OR10G4: variants seen among roughly 807,000 people sequenced by gnomAD.
OR10G4 encodes olfactory receptor 10G4.
For synonymous variants in OR10G4, 130 were observed against 159.3 expected (o/e 0.82, Z 1.39); for missense variants, 318 against 388.8 (o/e 0.82, Z 1.53).
chr11:124,016,423 C>G lies in OR10G4; in HGVS notation c.849C>G (p.Asn283Lys). 5 of 1,614,162 alleles carry G rather than the reference C, an allele frequency of 3.1e-6. No individual in the cohort carries two copies. The highest frequency in any genetic ancestry group is 3.4e-6 in the Non-Finnish European group (4 of 1,180,010). ...ACACTGTGCTGACGCCCCTTCTCAA[C>G]CCTGTTGTGTACACCCTGAGAAACA... ...IFYTVLTPLL[N>K]PVVYTLRNKE... Residue 283 changes from asparagine to lysine, a missense_variant, in exon 2 of 2, where the codon AAC (asparagine) becomes AAG (lysine). Physicochemically the swap from Asn to Lys is moderately conservative, Grantham distance 94. Transcript: ENST00000641722.
Position 124,016,865 on chromosome 11 carries a change from C to T in OR10G4, c.*355C>T. ...ATATACACATAAACTTAAGAATTTA[C>T]CATCATGGAGACATAGTTCAAAACC... is the stretch of plus-strand genomic sequence containing the variant. On this transcript the variant is annotated 3_prime_UTR_variant, in exon 2 of 2. Coordinates refer to ENST00000641722, the MANE Select transcript of OR10G4 (RefSeq NM_001004462.2). The T allele has an allele frequency of 6.1e-6, 1 of 164,622 alleles. No individual in the cohort carries two copies. 10.2% of individuals were successfully genotyped at this position (164,622 alleles called of 1,614,324 possible).
rs1342652966 is a variant in OR10G4, at chr11:124,016,017, G to T, written c.443G>T (p.Trp148Leu). The T allele has an allele frequency of 1.2e-6, 2 of 1,613,826 alleles. No homozygotes were observed. Among genetic ancestry groups the T allele is most frequent in the East Asian group, 4.5e-5 (2 of 44,878 alleles). The change falls in exon 2 of 2, where the codon TGG (tryptophan) becomes TTG (leucine). Residue 148 changes from tryptophan to leucine, a missense_variant. Trp to Leu is a moderately conservative substitution (Grantham distance 61). Coordinates refer to ENST00000641722, the MANE Select transcript of OR10G4 (RefSeq NM_001004462.2). Reference sequence around the variant, plus strand: ...TGTGCCCTCCTGGCCACCGGCACTTGGCTCAGTGGCTCTCTGCACTCTGCT... The same window carrying T: ...TGTGCCCTCCTGGCCACCGGCACTTTGCTCAGTGGCTCTCTGCACTCTGCT... ...SRCALLATGT[W>L]LSGSLHSAVQ... is the part of the protein sequence containing the mutation.
chr11:124,016,799 T>C lies in OR10G4; in HGVS notation c.*289T>C, dbSNP rs1490481842. 9.1e-6 allele frequency: 2 copies of C among 219,320 alleles called. No individual in the cohort carries two copies. Among genetic ancestry groups the C allele is most frequent in the African/African-American group, 4.6e-5 (2 of 43,818 alleles). The allele number at this position is 219,320 out of a possible 1,614,324, so 13.6% of individuals were successfully genotyped here. A position where few individuals can be genotyped will look rare whatever the true frequency, so the allele number is the denominator to read the frequency against. ...CTCAGGGATAGATGATTAATTCATG[T>C]TTATAAATTGATAAACGGTTTTTGT... On this transcript the variant is annotated 3_prime_UTR_variant, in exon 2 of 2. Transcript: ENST00000641722.
intron 1 of OR10G4, among the ~76,000 whole-genome samples, chr11:124,014,551 C>T (rs1034714501): frequency 5.3e-5 from 8 of 152,196 alleles, no homozygotes; most frequent in Non-Finnish European, 1.5e-5. Context: ...CTTTCCGGCA[C>T]TCCCCAGTGA....
rs1864025926 is a variant in OR10G4 at position 124,016,860 on chromosome 11, A to G, written c.*350A>G. On this transcript the variant is annotated 3_prime_UTR_variant, in exon 2 of 2. Coordinates refer to ENST00000641722, the MANE Select transcript of OR10G4 (RefSeq NM_001004462.2). ...ATTTCATATACACATAAACTTAAGAATTTACCATCATGGAGACATAGTTCA... is the reference window on the plus strand; with the variant it reads ...ATTTCATATACACATAAACTTAAGAGTTTACCATCATGGAGACATAGTTCA... 6.0e-6 allele frequency: 1 copy of G among 165,758 alleles called. No homozygotes were observed. The allele number at this position is 165,758 out of a possible 1,614,324, so 10.3% of individuals were successfully genotyped here.
chr11:124,013,256 A>G (rs1160983444), intron 1 of OR10G4, 144 bp downstream of exon 1: 1 of 152,212 alleles, frequency 6.6e-6, no homozygotes, highest in Non-Finnish European at 1.5e-5. Context: ...AGGTAGAGTG[A>G]TGTAATTGAG....
Position 124,018,062 on chromosome 11 carries a change from C to G in OR10G4, c.*1552C>G, listed in dbSNP as rs1486831605. The stretch of plus-strand genomic sequence containing the variant: ...AAAAAAATTAGTCTCGATCCTATTT[C>G]ATACTATACACATAAAAAACTCAAT... On this transcript the variant is annotated 3_prime_UTR_variant, in exon 2 of 2. Transcript: ENST00000641722. 1.3e-5 allele frequency: 2 copies of G among 152,090 alleles called. No individual in the cohort carries two copies. The highest frequency in any genetic ancestry group is 2.9e-5 in the Non-Finnish European group (2 of 68,010). 9.4% of individuals were successfully genotyped at this position (152,090 alleles called of 1,614,324 possible). A position where few individuals can be genotyped will look rare whatever the true frequency, so the allele number is the denominator to read the frequency against.
At position 124,017,277 on chromosome 11, in the gene OR10G4, C is replaced by T. The variant is rs1340473375; in HGVS notation, c.*767C>T. The T allele has an allele frequency of 6.6e-6, 1 of 152,134 alleles. No homozygotes were observed. The highest frequency in any genetic ancestry group is 2.4e-5 in the African/African-American group (1 of 41,432). 9.4% of individuals were successfully genotyped at this position (152,134 alleles called of 1,614,324 possible). On this transcript the variant is annotated 3_prime_UTR_variant, in exon 2 of 2. Coordinates refer to ENST00000641722, the MANE Select transcript of OR10G4 (RefSeq NM_001004462.2). ...TATATAATTGTTTACGCACTTTATA[C>T]ATTTGCACCCATTTTTAATGTTTGT...
At chr11:124,015,401 T>A in intron 1 of OR10G4, 147 bp from the exon 2 acceptor site, 1 of 765,548 alleles carries the variant, frequency 1.3e-6, no homozygotes, top group South Asian at 1.9e-5. Flanking sequence ...AATAATTTCA[T>A]CATCATCTCT....
chr11:124,015,973 C>T lies in OR10G4; in HGVS notation c.399C>T (p.Ser133=), dbSNP rs758612493. ...TCAGTTACCCGCTCAGGTACACCAG[C>T]ATGATGAGTGGGAGCAGGTGTGCCC... ...LAISYPLRYT[S]MMSGSRCALL... is the part of the protein sequence containing the mutation. Residue 133 remains serine, a synonymous_variant, in exon 2 of 2, where the codon AGC becomes AGT. Transcript: ENST00000641722. The T allele has an allele frequency of 1.2e-6, 2 of 1,614,028 alleles. No individual in the cohort carries two copies. The highest frequency in any genetic ancestry group is 1.7e-5 in the Admixed American group (1 of 59,998).
In OR10G4 at chr11:124,017,769, A is replaced by T. The variant is rs773671688; in HGVS notation, c.*1259A>T. On this transcript the variant is annotated 3_prime_UTR_variant, in exon 2 of 2. Coordinates refer to ENST00000641722, the MANE Select transcript of OR10G4 (RefSeq NM_001004462.2). ...ATCTTAAAGTGCGGATTGAAATGGA[A>T]TGAGTCCCAAAATGGTCAAGAATCT... 3.3e-5 allele frequency: 5 copies of T among 152,210 alleles called. No homozygotes were observed. Among genetic ancestry groups the T allele is most frequent in the African/African-American group, 1.2e-4 (5 of 41,466 alleles). The allele number at this position is 152,210 out of a possible 1,614,324, so 9.4% of individuals were successfully genotyped here. A position where few individuals can be genotyped will look rare whatever the true frequency, so the allele number is the denominator to read the frequency against.
Position 124,016,028 on chromosome 11 carries a change from T to C in OR10G4, c.454T>C (p.Ser152Pro). The change falls in exon 2 of 2, where the codon TCT becomes CCT. Residue 152 changes from serine (S) to proline (P), a missense_variant. Physicochemically the swap from Ser to Pro is moderately conservative, Grantham distance 74 (BLOSUM62 -1). Coordinates refer to ENST00000641722, the MANE Select transcript of OR10G4 (RefSeq NM_001004462.2). ...LLATGTWLSGSLHSAVQTILT... is the reference protein window; with the variant it reads ...LLATGTWLSGPLHSAVQTILT... ...GGCCACCGGCACTTGGCTCAGTGGC[T>C]CTCTGCACTCTGCTGTCCAGACCAT... The C allele has an allele frequency of 3.1e-6, 5 of 1,613,904 alleles. No individual in the cohort carries two copies. Among genetic ancestry groups the C allele is most frequent in the Middle Eastern group, 1.7e-4 (1 of 6,056 alleles).
Position 124,016,480 on chromosome 11 carries a change from A to C in OR10G4, c.906A>C (p.Arg302Ser). The stretch of plus-strand genomic sequence containing the variant: ...TGAAGAAAGCTGTGTTGAAACTTAG[A>C]GACAAAGTAGCACATCCTCAGAGGA... The part of the protein sequence containing the change: ...KEVKKAVLKL[R>S]DKVAHPQRK Residue 302 changes from arginine (R) to serine (S), a missense_variant, in exon 2 of 2, where the codon AGA becomes AGC. Arg to Ser is a moderately radical substitution (Grantham distance 110, BLOSUM62 -1). Transcript: ENST00000641722. 6.2e-7 allele frequency: 1 copy of C among 1,601,000 alleles called. No individual in the cohort carries two copies. The highest frequency in any genetic ancestry group is 8.5e-7 in the Non-Finnish European group (1 of 1,173,940).
chr11:124,015,679 C>T lies in OR10G4; in HGVS notation c.105C>T (p.Leu35=), dbSNP rs1430080914. Residue 35 remains leucine, a synonymous_variant, in exon 2 of 2, where the codon CTC becomes CTT. Transcript: ENST00000641722. ...GAATCTTCCTGGTGGTTTACGTGCT[C>T]ACTGTGCTGGGGAACCTCCTCATCC... ...LFGIFLVVYV[L]TVLGNLLILL... 2.5e-6 allele frequency: 4 copies of T among 1,610,350 alleles called. No individual in the cohort carries two copies. The highest frequency in any genetic ancestry group is 3.4e-6 in the Non-Finnish European group (4 of 1,177,566).
Position 124,018,340 on chromosome 11 carries a change from A to G in OR10G4, c.*1830A>G, listed in dbSNP as rs943013766. On this transcript the variant is annotated 3_prime_UTR_variant, in exon 2 of 2. Coordinates refer to ENST00000641722, the MANE Select transcript of OR10G4 (RefSeq NM_001004462.2). ...TACATTAGGTATTTCCCCTAATGCT[A>G]TCCCTCCCCCAGCCCCCCACCCCCC... 1.3e-5 allele frequency: 2 copies of G among 150,956 alleles called. No homozygotes were observed. The highest frequency in any genetic ancestry group is 4.9e-5 in the African/African-American group (2 of 41,002). The allele number at this position is 150,956 out of a possible 1,614,324, so 9.4% of individuals were successfully genotyped here. A position where few individuals can be genotyped will look rare whatever the true frequency, so the allele number is the denominator to read the frequency against.
intron 1 of OR10G4, 67 bp from the exon 2 acceptor site, chr11:124,015,481 C>T: frequency 2.1e-6 from 3 of 1,427,986 alleles, no homozygotes; most frequent in South Asian, 2.6e-5. Flanking sequence ...GATGCAGTTT[C>T]CACATAGAGA....
intron 1 of OR10G4, 77 bp from the exon 2 acceptor site, chr11:124,015,471 G>A (rs751026456): frequency 7.5e-7 from 1 of 1,327,452 alleles, no homozygotes; most frequent in Non-Finnish European, 1.0e-6. Context: ...CTACCTGGTT[G>A]ATGCAGTTTC....
Position 124,016,586 on chromosome 11 carries a change from G to T in OR10G4, c.*76G>T. 2 of 990,702 alleles carry T rather than the reference G, an allele frequency of 2.0e-6. No individual in the cohort carries two copies. Among genetic ancestry groups the T allele is most frequent in the Non-Finnish European group, 2.9e-6 (2 of 679,526 alleles). 61.4% of individuals were successfully genotyped at this position (990,702 alleles called of 1,614,324 possible). A position where few individuals can be genotyped will look rare whatever the true frequency, so the allele number is the denominator to read the frequency against. ...GTTATTCATGTGAAATTGATTATAT[G>T]TATAGTTCTCAGTGTTAAACTTTAT... On this transcript the variant is annotated 3_prime_UTR_variant, in exon 2 of 2. Coordinates refer to ENST00000641722, the MANE Select transcript of OR10G4 (RefSeq NM_001004462.2).
chr11:124,013,444 T>C (rs551718588), intron 1 of OR10G4, among the ~76,000 whole-genome samples: 4 of 152,300 alleles, frequency 2.6e-5, no homozygotes, highest in Admixed American at 2.0e-4. Context: ...GCTGGTACAG[T>C]AGAAATTTCA....
Sources: gnomAD v4.1 joint callset for allele counts (sites outside exome capture counted in the v4.1 genomes callset) on GRCh38, gnomAD v4.1.1 for gene constraint, MANE v1.5 for transcripts, NCBI Gene and HGNC (gene_info 2026-07-23, HGNC 2026-07-21) for gene names.